KCNG4: variants seen among roughly 807,000 people sequenced by gnomAD.
KCNG4 encodes potassium voltage-gated channel modifier subfamily G member 4.
In KCNG4, 30 loss-of-function variants were observed where a neutral mutation model predicts 28.2. The observed-to-expected ratio is 1.06, with a 90% CI of 0.80 to 1.44. KCNG4 has a LOEUF of 1.44. Among genes scored for constraint, KCNG4 ranks in the 40% most tolerant of loss-of-function variants. The probability of loss-of-function intolerance (pLI) is 0.00; values close to 1 mark genes in which losing one functional copy is unlikely to be tolerated. For synonymous variants in KCNG4, 375 were observed against 315.5 expected (o/e 1.19, Z -2.00); for missense variants, 879 against 712.3 (o/e 1.23, Z -2.66).
chr16:84,236,682 C>A, intron 2 of KCNG4, 48 bp downstream of exon 2: 3 of 1,552,580 alleles, frequency 1.9e-6, no homozygotes, highest in Non-Finnish European at 2.6e-6. Context: ...CATCTCCGCC[C>A]AGGCACCCTG....
At position 84,222,134 on chromosome 16, in the gene KCNG4, G is replaced by A; in HGVS notation, c.*83C>T. ...TCCCTGGGCTCTAGAAACACCACCA[G>A]GTGGTCTATGCGGGGTACCCTTGAG... On this transcript the variant is annotated 3_prime_UTR_variant, in exon 3 of 3. Transcript: ENST00000308251. 2 of 1,374,738 alleles carry A rather than the reference G, an allele frequency of 1.5e-6. No homozygotes were observed. The highest frequency in any genetic ancestry group is 1.8e-5 in the Admixed American group (1 of 55,452). The allele number at this position is 1,374,738 out of a possible 1,614,324, so 85.2% of individuals were successfully genotyped here.
intron 2 of KCNG4, among the ~76,000 whole-genome samples, chr16:84,223,350 G>T (rs1223362295): frequency 6.6e-6 from 1 of 152,094 alleles, no homozygotes; most frequent in Non-Finnish European, 1.5e-5. Flanking sequence ...AGCACAAATG[G>T]GCCTGCAACC....
In KCNG4 at chr16:84,222,517, G is replaced by C. The variant is rs373063526; in HGVS notation, c.1260C>G (p.Gly420=). Residue 420 remains glycine, a synonymous_variant, in exon 3 of 3, where the codon GGC becomes GGG. Transcript: ENST00000308251. ...WWAIISMTTV[G]YGDMVPRSVP... Reference sequence around the variant, plus strand: ...CACTGCGGGGCACCATGTCCCCGTAGCCCACCGTTGTCATGGAGATGATGG... The same window carrying C: ...CACTGCGGGGCACCATGTCCCCGTACCCCACCGTTGTCATGGAGATGATGG... 6.2e-7 allele frequency: 1 copy of C among 1,613,346 alleles called. No individual in the cohort carries two copies. Among genetic ancestry groups the C allele is most frequent in the Non-Finnish European group, 8.5e-7 (1 of 1,179,816 alleles).
Position 84,236,880 on chromosome 16 carries a change from C to G in KCNG4, c.606G>C (p.Leu202=). The G allele has an allele frequency of 1.2e-6, 2 of 1,613,570 alleles. No homozygotes were observed. The highest frequency in any genetic ancestry group is 1.7e-6 in the Non-Finnish European group (2 of 1,180,014). ...CCATCTCGCGCAGCCGGTTCATGCA[C>G]AGGCCCCAGCGCGAGGAGTGCGAGG... The part of the protein sequence containing the change: ...RPASHSSRWG[L]CMNRLREMVE... Residue 202 remains leucine, a synonymous_variant, in exon 2 of 3, where the codon CTG becomes CTC. Transcript: ENST00000308251.
At position 84,239,744 on chromosome 16, in the gene KCNG4, A is replaced by G. The variant is rs909226471; in HGVS notation, c.-115T>C. ...GGAGCCCATCTCTTGGTGCCCAGGGAAGGGACAGGTTTCTGGTGGAGATGA... is the reference window on the plus strand; with the variant it reads ...GGAGCCCATCTCTTGGTGCCCAGGGGAGGGACAGGTTTCTGGTGGAGATGA... On this transcript the variant is annotated 5_prime_UTR_variant, in exon 1 of 3. Coordinates refer to ENST00000308251, the MANE Select transcript of KCNG4 (RefSeq NM_172347.3). 3 of 150,490 alleles carry G rather than the reference A, an allele frequency of 2.0e-5. No individual in the cohort carries two copies. Among genetic ancestry groups the G allele is most frequent in the African/African-American group, 7.3e-5 (3 of 40,914 alleles). The allele number at this position is 150,490 out of a possible 1,614,324, so 9.3% of individuals were successfully genotyped here.
intron 2 of KCNG4, among the ~76,000 whole-genome samples, chr16:84,234,475 A>T (rs1158969762): frequency 6.6e-6 from 1 of 152,174 alleles, no homozygotes; most frequent in African/African-American, 2.4e-5. Flanking sequence ...CACTGCACCC[A>T]GCCTCCATTG....
Position 84,221,365 on chromosome 16 carries a change from TG to T in KCNG4, c.*851del, listed in dbSNP as rs1200603900. ...GGAACGATCCTCTCAAGGGACAACA[TG>T]GACCCTGAAAGAGTTTGTCTCTGTC... On this transcript the variant is annotated 3_prime_UTR_variant, in exon 3 of 3. Coordinates refer to ENST00000308251, the MANE Select transcript of KCNG4 (RefSeq NM_172347.3). The T allele has an allele frequency of 6.6e-6, 1 of 152,190 alleles. No homozygotes were observed. Among genetic ancestry groups the T allele is most frequent in the Non-Finnish European group, 1.5e-5 (1 of 68,078 alleles). 9.4% of individuals were successfully genotyped at this position (152,190 alleles called of 1,614,324 possible). A position where few individuals can be genotyped will look rare whatever the true frequency, so the allele number is the denominator to read the frequency against.
At chr16:84,234,098 C>A (rs1904886474) in intron 2 of KCNG4, among the ~76,000 whole-genome samples, 1 of 152,202 alleles carries the variant, frequency 6.6e-6, no homozygotes, top group South Asian at 2.1e-4. Context: ...AAATCCGGAA[C>A]TTTAAAATCC....
chr16:84,229,491 A>C (rs1191289832), intron 2 of KCNG4, among the ~76,000 whole-genome samples: 3 of 152,144 alleles, frequency 2.0e-5, no homozygotes, highest in Non-Finnish European at 2.9e-5. Context: ...GTATCCACTG[A>C]CTCTGAATCT....
chr16:84,222,961 C>T lies in KCNG4; in HGVS notation c.816G>A (p.Trp272Ter), dbSNP rs369129196. 4 of 1,568,346 alleles carry T rather than the reference C, an allele frequency of 2.6e-6. No individual in the cohort carries two copies. In the East Asian group the frequency reaches 9.0e-5, roughly 35 times the overall value. ...IFIVETICVA[W>*]FSLEFCLRFV... The stretch of plus-strand genomic sequence containing the variant: ...ACCGCAGGCAGAACTCCAGGGAGAA[C>T]CAGGCCACGCAGATGGTCTCCACGA... The change falls in exon 3 of 3, where the codon TGG (tryptophan) becomes TGA (stop). Residue 272 changes from tryptophan to a stop codon, truncating the protein, a stop_gained. Coordinates refer to ENST00000308251, the MANE Select transcript of KCNG4 (RefSeq NM_172347.3). LOFTEE classifies it high-confidence loss of function.
chr16:84,230,426 G>T (rs1489751657), intron 2 of KCNG4, among the ~76,000 whole-genome samples: 1 of 56,400 alleles, frequency 1.8e-5, no homozygotes, highest in Admixed American at 1.7e-4. Context: ...AAAAAAAAAA[G>T]CCAGGCATGG....
In KCNG4 at chr16:84,237,346, A is replaced by T. The variant is rs1597622562; in HGVS notation, c.140T>A (p.Val47Glu). 6.4e-7 allele frequency: 1 copy of T among 1,567,844 alleles called. No individual in the cohort carries two copies. The highest frequency in any genetic ancestry group is 8.6e-7 in the Non-Finnish European group (1 of 1,157,778). The change falls in exon 2 of 3, where the codon GTG becomes GAG. Residue 47 changes from valine to glutamate, a missense_variant. Val to Glu is a moderately radical substitution (Grantham distance 121). Transcript: ENST00000308251. ...KGLYYRRVRK[V>E]GALDASPVDL... is the part of the protein sequence containing the mutation. ...CACTGGGGAGGCGTCCAGGGCACCC[A>T]CCTTCCGCACCCTCCGGTAGTAAAG...
chr16:84,230,855 G>A (rs1031674145), intron 2 of KCNG4, among the ~76,000 whole-genome samples: 2 of 152,386 alleles, frequency 1.3e-5, no homozygotes, highest in Middle Eastern at 3.4e-3. Flanking sequence ...ACAGTGGGAA[G>A]GCCGGCAGGG....
chr16:84,227,466 A>G (rs1352502547), intron 2 of KCNG4, among the ~76,000 whole-genome samples: 1 of 152,132 alleles, frequency 6.6e-6, no homozygotes, highest in Non-Finnish European at 1.5e-5. Context: ...GATCCTAGCT[A>G]CTCGGGAGGC....
chr16:84,238,353 C>T (rs375002368), intron 1 of KCNG4, among the ~76,000 whole-genome samples: 2 of 152,202 alleles, frequency 1.3e-5, no homozygotes, highest in Non-Finnish European at 2.9e-5. Context: ...CTATGCTTAG[C>T]GAGCATCCAA....
chr16:84,225,510 T>TC (rs936311686), intron 2 of KCNG4, among the ~76,000 whole-genome samples: 1 of 152,126 alleles, frequency 6.6e-6, no homozygotes, highest in African/African-American at 2.4e-5. Context: ...TTTTGGTAAC[T>TC]CCCCCCATTC....
At chr16:84,234,575 G>A (rs558406477) in intron 2 of KCNG4, among the ~76,000 whole-genome samples, 9 of 152,318 alleles carry the variant, frequency 5.9e-5, no homozygotes, top group Admixed American at 2.0e-4. Context: ...AACAGAAACT[G>A]CTTACAGCAA....
rs149679455 is a variant in KCNG4, at chr16:84,226,009, G to A, written c.757-2989C>T. On this transcript the variant is annotated intron_variant, in intron 2 of 2. Coordinates refer to ENST00000308251, the MANE Select transcript of KCNG4 (RefSeq NM_172347.3). This position sits in a 1 kb window ranked among gnomAD's most constrained non-coding sequence, Gnocchi z 4.1. ...AAAGGGGAAAGAAGGAAAGAAAAAA[G>A]TTTTCCTTTCTCCCTTTGTGGAAGT... 5.8e-3 allele frequency among the ~76,000 whole-genome samples: 886 copies of A among 152,314 alleles called. 10 individuals carry two copies. Among genetic ancestry groups the A allele is most frequent in the African/African-American group, 0.021 (864 of 41,576 alleles).
intron 2 of KCNG4, among the ~76,000 whole-genome samples, chr16:84,225,101 G>A (rs1015319371): frequency 3.3e-5 from 5 of 152,054 alleles, no homozygotes; most frequent in Non-Finnish European, 7.4e-5. Context: ...CATTTTAACC[G>A]AACTATACAT....
Sources: allele counts gnomAD v4.1 joint callset (sites outside exome capture counted in the v4.1 genomes callset), GRCh38; gene constraint gnomAD v4.1.1; non-coding constraint Gnocchi (gnomAD v3.1); transcripts MANE v1.5; gene names NCBI Gene and HGNC (gene_info 2026-07-23, HGNC 2026-07-21).